Variants in CUBN observed in about 807,000 individuals in gnomAD.
CUBN encodes cubilin, also known as 460 kDa receptor.
CUBN carries 282 observed loss-of-function variants against 405.3 expected under a neutral mutation model. The observed-to-expected ratio is 0.70, with a 90% CI of 0.63 to 0.77. The LOEUF (loss-of-function observed/expected upper bound fraction) is 0.77. CUBN is among the 30% of genes least tolerant of loss of function. The probability of loss-of-function intolerance (pLI) is 0.00; values close to 1 mark genes in which losing one functional copy is unlikely to be tolerated. For missense variants in CUBN, 4,514 were observed against 4,475.2 expected, an observed-to-expected ratio of 1.01 and a Z score of -0.25; for synonymous variants, 1,684 against 1,617.0, an observed-to-expected ratio of 1.04 and a Z score of -0.99.
At chr10:16,938,462 C>T (rs1842575809) in intron 38 of CUBN, among the ~76,000 whole-genome samples, 1 of 152,082 alleles carries the variant, frequency 6.6e-6, no homozygotes. Context: ...ATATTGGGCA[C>T]CCATCAGGCA....
At chr10:17,104,634 T>TA (rs1836577275) in intron 11 of CUBN, 29 bp from the exon 12 acceptor site, 2 of 1,568,390 alleles carry the variant, frequency 1.3e-6, no homozygotes, top group Admixed American at 1.7e-5. Flanking sequence ...CATAATACCA[T>TA]AAAACAAATG....
In CUBN at chr10:17,110,896, T is replaced by C. The variant is rs1398522002; in HGVS notation, c.1015+23A>G. 6 of 1,614,070 alleles carry C rather than the reference T, an allele frequency of 3.7e-6. No homozygotes were observed. In the East Asian group the frequency reaches 1.3e-4, roughly 36 times the overall value. Reference sequence around the variant, plus strand: ...TGTTCCCTGTGCTGGGGTCAGGAGGTTGACATTGAACCGAGGCAGCACCTG... The same window carrying C: ...TGTTCCCTGTGCTGGGGTCAGGAGGCTGACATTGAACCGAGGCAGCACCTG... On this transcript the variant is annotated intron_variant, in intron 9 of 66. Transcript: ENST00000377833.
intron 51 of CUBN, among the ~76,000 whole-genome samples, chr10:16,903,320 G>C (rs1416879706): frequency 5.9e-5 from 9 of 152,052 alleles, no homozygotes; most frequent in Non-Finnish European, 1.3e-4. Flanking sequence ...GGAAACTTAA[G>C]AGCAACCAAT....
At chr10:17,094,583 T>C (rs1836332759) in intron 14 of CUBN, among the ~76,000 whole-genome samples, 2 of 151,926 alleles carry the variant, frequency 1.3e-5, no homozygotes, top group Non-Finnish European at 2.9e-5. Context: ...AATCAACATA[T>C]AAAATTAGTT....
Position 16,937,842 on chromosome 10 carries a change from G to T in CUBN, c.5734-58C>A, listed in dbSNP as rs1842560374. The T allele has an allele frequency of 2.0e-6, 3 of 1,492,756 alleles. No individual in the cohort carries two copies. In the South Asian group the frequency reaches 3.7e-5, roughly 18 times the overall value. The allele number at this position is 1,492,756 out of a possible 1,614,324, so 92.5% of individuals were successfully genotyped here. A position where few individuals can be genotyped will look rare whatever the true frequency, so the allele number is the denominator to read the frequency against. ...TTATCTATATTTTTCTTCATAAAAA[G>T]ATAAAATAAAAAAGATGCCTTATAT... On this transcript the variant is annotated intron_variant, in intron 38 of 66. Transcript: ENST00000377833.
At chr10:16,985,699 C>T (rs1247080911) in intron 29 of CUBN, among the ~76,000 whole-genome samples, 3 of 152,236 alleles carry the variant, frequency 2.0e-5, no homozygotes, top group East Asian at 3.9e-4. Flanking sequence ...CATGCTCCCC[C>T]TCCCATAAGG....
intron 66 of CUBN, among the ~76,000 whole-genome samples, chr10:16,825,907 A>G (rs943172206): frequency 2.0e-5 from 3 of 151,244 alleles, no homozygotes; most frequent in Non-Finnish European, 4.4e-5. Context: ...GTGAGTGTAG[A>G]TTTTTTTTTC....
chr10:17,040,794 T>C (rs1020983347), intron 27 of CUBN, among the ~76,000 whole-genome samples: 8 of 152,122 alleles, frequency 5.3e-5, no homozygotes, highest in African/African-American at 1.7e-4. Flanking sequence ...AGTTAAGTAA[T>C]ATGAGGTCAA....
intron 17 of CUBN, 97 bp from the exon 18 acceptor site, chr10:17,072,068 A>T: frequency 1.1e-6 from 1 of 901,750 alleles, no homozygotes; most frequent in Non-Finnish European, 1.8e-6. Flanking sequence ...CAGATTCAAA[A>T]TGAATGATAA....
intron 24 of CUBN, 143 bp downstream of exon 24, chr10:17,045,791 G>A: frequency 1.2e-6 from 1 of 812,616 alleles, no homozygotes; most frequent in Non-Finnish European, 2.1e-6. Context: ...AATGGCTGCT[G>A]TTAATTTAAA....
At chr10:16,969,361 A>AT (rs5783522) in intron 31 of CUBN, among the ~76,000 whole-genome samples, 122,819 of 148,478 alleles carry the variant, frequency 0.83, 50,872 homozygotes, top group Non-Finnish European at 0.88. Context: ...TTACTGCTCC[A>AT]TTTTTTTTTT....
In CUBN at chr10:16,925,248, C is replaced by A; in HGVS notation, c.6639G>T (p.Lys2213Asn). The A allele has an allele frequency of 6.2e-7, 1 of 1,611,304 alleles. No homozygotes were observed. Among genetic ancestry groups the A allele is most frequent in the East Asian group, 2.2e-5 (1 of 44,832 alleles). The change falls in exon 43 of 67, where the codon AAG (lysine) becomes AAT (asparagine). Residue 2213 changes from lysine to asparagine, a missense_variant. Around this residue, in one of 5 missense-constraint regions of CUBN, gnomAD observed 1,613 missense variants for 1,542.8 expected, o/e 1.05. Transcript: ENST00000377833. The part of the protein sequence containing the change: ...GQGFKIKYEA[K>N]SLACGGNVYI... ...CTCAGTGAAAATACTTACCTAAACTCTTTGCCTCATATTTGATTTTAAATC... is the reference window on the plus strand; with the variant it reads ...CTCAGTGAAAATACTTACCTAAACTATTTGCCTCATATTTGATTTTAAATC...
At chr10:17,026,733 A>G (rs867967036) in intron 27 of CUBN, among the ~76,000 whole-genome samples, 6 of 152,222 alleles carry the variant, frequency 3.9e-5, no homozygotes, top group Admixed American at 6.5e-5. Context: ...AAATCAAATC[A>G]TGGTGGATAA....
At chr10:16,835,522 CT>C (rs1719637355) in intron 63 of CUBN, among the ~76,000 whole-genome samples, 1 of 151,756 alleles carries the variant, frequency 6.6e-6, no homozygotes, top group South Asian at 2.1e-4. Context: ...TTCAGACTCT[CT>C]TTTCGACAAG....
At position 17,107,786 on chromosome 10, in the gene CUBN, C is replaced by A. The variant is rs549261587; in HGVS notation, c.1111+1854G>T. 8.5e-5 allele frequency among the ~76,000 whole-genome samples: 13 copies of A among 152,096 alleles called. No homozygotes were observed. The East Asian group carries it at 2.3e-3, about 27-fold the overall frequency. ...TGCTGGGATGACAGGCGTGAGCCAC[C>A]GCGCCTGGCAAAAATACAAGTTTTG... is the stretch of plus-strand genomic sequence containing the variant. On this transcript the variant is annotated intron_variant, in intron 10 of 66. Coordinates refer to ENST00000377833, the MANE Select transcript of CUBN (RefSeq NM_001081.4).
chr10:17,002,178 C>A (rs900975996), intron 28 of CUBN, among the ~76,000 whole-genome samples: 1 of 152,038 alleles, frequency 6.6e-6, no homozygotes, highest in Admixed American at 6.6e-5. Flanking sequence ...CACATTTGTT[C>A]TGAGTTGGCT....
chr10:17,022,628 A>G (rs988500379), intron 27 of CUBN, among the ~76,000 whole-genome samples: 2 of 152,318 alleles, frequency 1.3e-5, no homozygotes, highest in Admixed American at 6.5e-5. Flanking sequence ...CGAGAGGCCA[A>G]CCTTGCAGCC....
intron 59 of CUBN, among the ~76,000 whole-genome samples, chr10:16,869,406 C>T (rs1786994805): frequency 6.6e-6 from 1 of 151,846 alleles, no homozygotes; most frequent in Non-Finnish European, 1.5e-5. Flanking sequence ...CTCAGGTGAT[C>T]CACCCGCCTC....
In CUBN at chr10:17,068,173, T is replaced by G; in HGVS notation, c.2899A>C (p.Asn967His). 6.2e-7 allele frequency: 1 copy of G among 1,613,678 alleles called. No homozygotes were observed. Among genetic ancestry groups the G allele is most frequent in the Non-Finnish European group, 8.5e-7 (1 of 1,179,638 alleles). ...NCTWHILVQP[N>H]HLIHLMFETF... ...TCGAACATTAAATGAATCAGGTGATTAGGTTGGACTAATATATGCCAAGTA... is the reference window on the plus strand; with the variant it reads ...TCGAACATTAAATGAATCAGGTGATGAGGTTGGACTAATATATGCCAAGTA... The change falls in exon 21 of 67, where the codon AAT becomes CAT. Residue 967 changes from asparagine to histidine, a missense_variant. By Grantham distance (68) the Asn-to-His change is moderately conservative (BLOSUM62 1). This residue lies in a region of CUBN where 1,448 missense variants were observed against 1,388.0 expected (regional missense o/e 1.04). Coordinates refer to ENST00000377833, the MANE Select transcript of CUBN (RefSeq NM_001081.4).
Sources: gnomAD v4.1 joint callset for allele counts (sites outside exome capture counted in the v4.1 genomes callset) on GRCh38, gnomAD v4.1.1 for gene constraint, gnomAD v4.1.1 regional missense constraint, MANE v1.5 for transcripts, NCBI Gene and HGNC (gene_info 2026-07-23, HGNC 2026-07-21) for gene names.